WASHC2C: variants seen among roughly 807,000 people sequenced by gnomAD.
WASHC2C encodes the protein WASH complex subunit 2C, also known as Vaccinia Penetration Factor.
A neutral mutation model predicts 142.2 loss-of-function variants in WASHC2C; 73 were observed. That is an observed-to-expected ratio of 0.51 (90% CI 0.43 to 0.62). The LOEUF is 0.62. WASHC2C is among the 20% of genes least tolerant of loss of function. The pLI is 0.00. For synonymous variants in WASHC2C, 337 were observed against 565.5 expected, an observed-to-expected ratio of 0.60 and a Z score of 5.73; for missense variants, 969 against 1,531.7, an observed-to-expected ratio of 0.63 and a Z score of 6.13.
At chr10:45,759,741 C>T (rs1325529057) in intron 17 of WASHC2C, among the ~76,000 whole-genome samples, 13 of 152,104 alleles carry the variant, frequency 8.5e-5, no homozygotes, top group African/African-American at 3.1e-4. Flanking sequence ...TTCACTTGAA[C>T]CCGGGAGGCA....
In WASHC2C at chr10:45,753,226, C is replaced by G; in HGVS notation, c.1169C>G (p.Ser390Cys). Residue 390 changes from serine to cysteine, a missense_variant, in exon 13 of 31, where the codon TCT (serine) becomes TGT (cysteine). Physicochemically the swap from Ser to Cys is moderately radical, Grantham distance 112. Transcript: ENST00000623400. Reference sequence around the variant, plus strand: ...TCCCAGGATCGGCAAGCTGGAGCCTCTGTTAAGGAGGGTAAGCTGGGGCTG... The same window carrying G: ...TCCCAGGATCGGCAAGCTGGAGCCTGTGTTAAGGAGGGTAAGCTGGGGCTG... ...EASQDRQAGASVKEESSSSKP... is the reference protein window; with the variant it reads ...EASQDRQAGACVKEESSSSKP... 8.1e-7 allele frequency: 1 copy of G among 1,234,174 alleles called. No individual in the cohort carries two copies. Among genetic ancestry groups the G allele is most frequent in the Non-Finnish European group, 1.1e-6 (1 of 932,484 alleles). 76.5% of individuals were successfully genotyped at this position (1,234,174 alleles called of 1,614,324 possible).
chr10:45,761,276 C>G (rs1490881409), intron 17 of WASHC2C, among the ~76,000 whole-genome samples: 3 of 152,288 alleles, frequency 2.0e-5, no homozygotes, highest in Non-Finnish European at 4.4e-5. Context: ...CATACTGGCT[C>G]AGGGCTGTAG....
intron 4 of WASHC2C, among the ~76,000 whole-genome samples, chr10:45,739,366 A>G (rs1349572429): frequency 5.3e-5 from 8 of 150,220 alleles, no homozygotes; most frequent in Non-Finnish European, 1.0e-4. Flanking sequence ...TAGAGGGGGA[A>G]ATGACACTAA....
intron 5 of WASHC2C, among the ~76,000 whole-genome samples, chr10:45,741,101 C>G (rs1191248134): frequency 6.6e-6 from 1 of 151,924 alleles, no homozygotes; most frequent in Non-Finnish European, 1.5e-5. Context: ...GCGCCCACCA[C>G]CACACCCAGC....
chr10:45,784,267 T>TATATATATATATATATACACACACAC (rs1564819541), intron 23 of WASHC2C, among the ~76,000 whole-genome samples: 9 of 5,654 alleles, frequency 1.6e-3, no homozygotes, highest in Non-Finnish European at 4.2e-3. Flanking sequence ...TATATATATA[T>TATATATATATATATATACACACACAC]ATATATATAT....
chr10:45,776,973 G>A lies in WASHC2C; in HGVS notation c.2143-300G>A, dbSNP rs2057143106. Among the ~76,000 whole-genome samples, 2 of 150,330 alleles carry A rather than the reference G, an allele frequency of 1.3e-5. 1 individual carries two copies. Among genetic ancestry groups the A allele is most frequent in the Admixed American group, 1.3e-4 (2 of 15,034 alleles). On this transcript the variant is annotated intron_variant, in intron 21 of 30. Coordinates refer to ENST00000623400, the MANE Select transcript of WASHC2C (RefSeq NM_001330074.2). ...ATATAAGAGGAGTGAGGCAGAGAGA[G>A]AGACTCATGATCGTCTGGTGGCAGA...
At chr10:45,787,488 C>A (rs1361720615) in intron 28 of WASHC2C, among the ~76,000 whole-genome samples, 2 of 149,286 alleles carry the variant, frequency 1.3e-5, no homozygotes, top group Non-Finnish European at 3.0e-5. Flanking sequence ...AACGTCTCAC[C>A]ACTTTGGCTG....
rs1459831269 is a variant in WASHC2C, at chr10:45,791,692, A to T, written c.3887-569A>T. On this transcript the variant is annotated intron_variant, in intron 30 of 30. Coordinates refer to ENST00000623400, the MANE Select transcript of WASHC2C (RefSeq NM_001330074.2). ...TGTGTACACCTAACTTTATGTATAC[A>T]TGCTAAAATCATGGTTGGATAAAAC... 2.7e-5 allele frequency among the ~76,000 whole-genome samples: 4 copies of T among 146,204 alleles called. No homozygotes were observed. The South Asian group carries it at 8.8e-4, about 32-fold the overall frequency.
At chr10:45,786,461 A>T in intron 26 of WASHC2C, 151 bp from the exon 27 acceptor site, 2 of 895,012 alleles carry the variant, frequency 2.2e-6, no homozygotes, top group South Asian at 2.9e-5. Context: ...CTAGTGAAAC[A>T]TCAGGCCCCA....
rs2058263914 is a variant in WASHC2C, at chr10:45,789,423, G to A, written c.3640G>A (p.Val1214Ile). The change falls in exon 29 of 31, where the codon GTC (valine) becomes ATC (isoleucine). Residue 1214 changes from valine to isoleucine, a missense_variant. Coordinates refer to ENST00000623400, the MANE Select transcript of WASHC2C (RefSeq NM_001330074.2). ...DEDDLFTDQK[V>I]KKNETKSSSQ... Reference sequence around the variant, plus strand: ...GGATGACCTCTTTACAGATCAGAAAGTCAAGAAGAATGAGACAAAATCCAG... The same window carrying A: ...GGATGACCTCTTTACAGATCAGAAAATCAAGAAGAATGAGACAAAATCCAG... 4.3e-6 allele frequency: 7 copies of A among 1,612,060 alleles called. No individual in the cohort carries two copies. Among genetic ancestry groups the A allele is most frequent in the Non-Finnish European group, 5.9e-6 (7 of 1,179,868 alleles).
chr10:45,731,656 TC>T (rs1554862396), intron 3 of WASHC2C, among the ~76,000 whole-genome samples: 1 of 151,938 alleles, frequency 6.6e-6, no homozygotes, highest in African/African-American at 2.4e-5. Context: ...CTTAATTACT[TC>T]CCAGACCTTC....
chr10:45,790,005 G>A (rs1367669024), intron 29 of WASHC2C, among the ~76,000 whole-genome samples: 29 of 152,358 alleles, frequency 1.9e-4, no homozygotes, highest in Admixed American at 1.7e-3. Flanking sequence ...AGAGCTCTCT[G>A]GGAAGATAAT....
chr10:45,736,060 A>G (rs1271117195), intron 3 of WASHC2C, among the ~76,000 whole-genome samples: 2 of 150,968 alleles, frequency 1.3e-5, no homozygotes, highest in Non-Finnish European at 3.0e-5. Flanking sequence ...CTTGAGGTCA[A>G]GGAGTTTGAG....
intron 3 of WASHC2C, among the ~76,000 whole-genome samples, chr10:45,732,552 T>C (rs1280639853): frequency 2.6e-5 from 4 of 152,202 alleles, no homozygotes; most frequent in African/African-American, 9.6e-5. Flanking sequence ...GATTTTTTCT[T>C]TTTAAAGTCA....
At chr10:45,728,067 C>T (rs1282166137) in intron 2 of WASHC2C, among the ~76,000 whole-genome samples, 2 of 152,178 alleles carry the variant, frequency 1.3e-5, no homozygotes, top group Non-Finnish European at 1.5e-5. Context: ...TTTGCCCTGT[C>T]GCCCAGGCTG....
rs1554880861 is a variant in WASHC2C at position 45,763,392 on chromosome 10, TG to T, written c.1641del (p.Leu547PhefsTer10). On this transcript the variant is annotated frameshift_variant, in exon 18 of 31. Transcript: ENST00000623400. LOFTEE classifies it high-confidence loss of function. ...ACTTTAATTTCAATCCAACAGGATT[TG>T]TTTTCTTCTCAAAGTGCGAGTAACT... Reference protein sequence around the residue: ...LFSDEEDSEDLFSSQSASNLK... With the variant: ...LFSDEEDSEDXFSSQSASNLK... 1.2e-6 allele frequency: 1 copy of T among 810,534 alleles called. No individual in the cohort carries two copies. The highest frequency in any genetic ancestry group is 2.7e-5 in the Admixed American group (1 of 36,898). 50.2% of individuals were successfully genotyped at this position (810,534 alleles called of 1,614,324 possible).
At chr10:45,784,269 T>TATATATATATATACACACACACAC (rs2057788631) in intron 23 of WASHC2C, among the ~76,000 whole-genome samples, 17 of 13,474 alleles carry the variant, frequency 1.3e-3, no homozygotes, top group South Asian at 0.012. Context: ...TATATATATA[T>TATATATATATATACACACACACAC]ATATATATAT....
chr10:45,761,368 C>T (rs1554879919), intron 17 of WASHC2C, among the ~76,000 whole-genome samples: 1 of 152,034 alleles, frequency 6.6e-6, no homozygotes, highest in East Asian at 1.9e-4. Context: ...GGTCCTTTTC[C>T]TTCATTTGTT....
chr10:45,771,930 C>A (rs1235660130), intron 20 of WASHC2C, among the ~76,000 whole-genome samples: 1 of 152,148 alleles, frequency 6.6e-6, no homozygotes, highest in East Asian at 1.9e-4. Context: ...ATTAGTTGTT[C>A]ATATAAAAAC....
Sources: gnomAD v4.1 joint callset for allele counts (sites outside exome capture counted in the v4.1 genomes callset) on GRCh38, gnomAD v4.1.1 for gene constraint, MANE v1.5 for transcripts, NCBI Gene and HGNC (gene_info 2026-07-23, HGNC 2026-07-21) for gene names.